EYS: variants seen among roughly 807,000 people sequenced by gnomAD.
EYS encodes the protein protein eyes shut homolog.
EYS carries 250 observed loss-of-function variants against 282.1 expected under a neutral mutation model. The observed-to-expected ratio is 0.89, with a 90% confidence interval of 0.80 to 0.98. The LOEUF (loss-of-function observed/expected upper bound fraction) is 0.98. EYS is among the 50% of genes least tolerant of loss of function. The pLI is 0.00. For synonymous variants in EYS, 1,355 were observed against 1,282.9 expected, an observed-to-expected ratio of 1.06 and a Z score of -1.20; for missense variants, 4,016 against 3,709.0, an observed-to-expected ratio of 1.08 and a Z score of -2.15.
intron 31 of EYS, among the ~76,000 whole-genome samples, chr6:64,123,279 C>T (rs1262408149): frequency 1.3e-5 from 2 of 152,126 alleles, no homozygotes; most frequent in Non-Finnish European, 2.9e-5. Flanking sequence ...AACAAGGCCT[C>T]ATATAGTTAC....
At chr6:65,699,770 T>C (rs1162788579) in intron 1 of EYS, among the ~76,000 whole-genome samples, 2 of 152,130 alleles carry the variant, frequency 1.3e-5, no homozygotes, top group African/African-American at 2.4e-5. Flanking sequence ...AAAGTCTTAT[T>C]AATGAAGGCC....
chr6:65,121,808 G>T (rs1381113828), intron 12 of EYS, among the ~76,000 whole-genome samples: 2 of 151,976 alleles, frequency 1.3e-5, no homozygotes, highest in East Asian at 3.9e-4. Flanking sequence ...GTATCTCAAA[G>T]CCCCTAGGTA....
intron 12 of EYS, among the ~76,000 whole-genome samples, chr6:65,237,123 G>A (rs911812097): frequency 5.3e-5 from 8 of 152,066 alleles, no homozygotes; most frequent in African/African-American, 1.9e-4. Context: ...GTAAACCTGG[G>A]TAATACATCT....
chr6:64,189,736 C>G (rs1364109041), intron 31 of EYS, among the ~76,000 whole-genome samples: 1 of 152,094 alleles, frequency 6.6e-6, no homozygotes, highest in African/African-American at 2.4e-5. Flanking sequence ...GCATTAACTA[C>G]CTGAGTTTCT....
At chr6:64,121,131 G>A (rs1008977155) in intron 31 of EYS, among the ~76,000 whole-genome samples, 2 of 152,152 alleles carry the variant, frequency 1.3e-5, no homozygotes, top group Non-Finnish European at 2.9e-5. Context: ...AGGCCAGCAG[G>A]AATGCATCTC....
At chr6:65,437,950 G>A (rs1768142156) in intron 5 of EYS, among the ~76,000 whole-genome samples, 1 of 151,702 alleles carries the variant, frequency 6.6e-6, no homozygotes, top group South Asian at 2.1e-4. Flanking sequence ...TTGGTGTGCT[G>A]CACCCATTAA....
chr6:65,005,485 C>G lies in EYS; in HGVS notation c.2138-7782G>C, dbSNP rs1180331126. 2.0e-5 allele frequency among the ~76,000 whole-genome samples: 3 copies of G among 147,506 alleles called. 1 individual carries two copies. The highest frequency in any genetic ancestry group is 4.6e-5 in the Non-Finnish European group (3 of 65,848). ...TTGGGACCTCTGTGAGCAAGGACCA[C>G]CCGGTAACATTTTGGCGACCACGAA... On this transcript the variant is annotated intron_variant, in intron 13 of 42. Coordinates refer to ENST00000503581, the MANE Select transcript of EYS (RefSeq NM_001142800.2).
intron 24 of EYS, among the ~76,000 whole-genome samples, chr6:64,613,116 C>T (rs1767162999): frequency 6.6e-6 from 1 of 152,098 alleles, no homozygotes; most frequent in Non-Finnish European, 1.5e-5. Flanking sequence ...ACTGTATCAG[C>T]TGGTGTAGTT....
intron 12 of EYS, among the ~76,000 whole-genome samples, chr6:65,120,313 C>T (rs935702174): frequency 1.5e-4 from 22 of 151,608 alleles, no homozygotes; most frequent in African/African-American, 5.1e-4. Flanking sequence ...AAAACAACAC[C>T]TTTTTTTAAA....
chr6:65,152,889 C>T (rs1764645658), intron 12 of EYS, among the ~76,000 whole-genome samples: 1 of 151,074 alleles, frequency 6.6e-6, no homozygotes, highest in Non-Finnish European at 1.5e-5. Context: ...CCTGATGCTG[C>T]TCTAGCAATT....
intron 29 of EYS, among the ~76,000 whole-genome samples, chr6:64,384,929 C>A (rs988430530): frequency 6.6e-6 from 1 of 152,102 alleles, no homozygotes; most frequent in Admixed American, 6.6e-5. Context: ...GGGGCTCTGG[C>A]CAGTTCAGAA....
chr6:64,582,206 A>G (rs74629412), intron 26 of EYS, among the ~76,000 whole-genome samples: 4,401 of 152,164 alleles, frequency 0.029, 139 homozygotes, highest in East Asian at 0.11. Context: ...ATGGATTGGT[A>G]CCTGTCTGTG....
intron 1 of EYS, among the ~76,000 whole-genome samples, chr6:65,664,229 C>T (rs1582578884): frequency 6.6e-6 from 1 of 151,958 alleles, no homozygotes; most frequent in Admixed American, 6.6e-5. Flanking sequence ...AGTGAAAGAA[C>T]CAGAAAGTGA....
At chr6:65,519,708 A>ATATATATATTTTTTTTTTT (rs1554205854) in intron 2 of EYS, among the ~76,000 whole-genome samples, 3 of 42,562 alleles carry the variant, frequency 7.0e-5, no homozygotes, top group Admixed American at 4.0e-4. Flanking sequence ...ATATATATAT[A>ATATATATATTTTTTTTTTT]TTTTTTTTTT....
intron 2 of EYS, among the ~76,000 whole-genome samples, chr6:65,574,103 A>C (rs1764574190): frequency 6.6e-6 from 1 of 152,128 alleles, no homozygotes; most frequent in African/African-American, 2.4e-5. Flanking sequence ...CCCAGTTCCC[A>C]AAACTGTAGT....
chr6:64,938,541 A>C (rs936290056), intron 15 of EYS, among the ~76,000 whole-genome samples: 19 of 151,706 alleles, frequency 1.3e-4, no homozygotes, highest in African/African-American at 4.3e-4. Context: ...TGTCTTTACA[A>C]TGGGATAAAA....
chr6:65,634,943 C>G lies in EYS; in HGVS notation c.-333+4835G>C, dbSNP rs142344550. On this transcript the variant is annotated intron_variant, in intron 2 of 42. Coordinates refer to ENST00000503581, the MANE Select transcript of EYS (RefSeq NM_001142800.2). ...TTCTTCTGTCTCTATAGAAATGCCTCTTATTAAAAATCAATTTGCCTTCAT... is the reference window on the plus strand; with the variant it reads ...TTCTTCTGTCTCTATAGAAATGCCTGTTATTAAAAATCAATTTGCCTTCAT... Among the ~76,000 whole-genome samples the G allele has an allele frequency of 3.7e-3, 563 of 152,300 alleles. 9 individuals carry two copies. The highest frequency in any genetic ancestry group is 0.013 in the African/African-American group (524 of 41,556).
At chr6:65,279,836 C>T (rs551731883) in intron 12 of EYS, among the ~76,000 whole-genome samples, 19 of 152,202 alleles carry the variant, frequency 1.2e-4, no homozygotes, top group African/African-American at 3.6e-4. Flanking sequence ...AAAAAGACAA[C>T]GTGTTCATTC....
At chr6:65,351,449 A>G (rs1299885779) in intron 9 of EYS, among the ~76,000 whole-genome samples, 2 of 151,644 alleles carry the variant, frequency 1.3e-5, no homozygotes, top group African/African-American at 4.8e-5. Flanking sequence ...TAAAACATAT[A>G]TTTGTTATTT....
Sources: allele counts gnomAD v4.1 joint callset (sites outside exome capture counted in the v4.1 genomes callset), GRCh38; gene constraint gnomAD v4.1.1; transcripts MANE v1.5; gene names NCBI Gene and HGNC (gene_info 2026-07-23, HGNC 2026-07-21).